ZFPM2: variants seen among roughly 807,000 people sequenced by gnomAD.
ZFPM2 encodes zinc finger protein ZFPM2.
In ZFPM2, 20 loss-of-function variants were observed where a neutral mutation model predicts 98.6. The ratio of observed to expected loss-of-function variants is 0.20; its 90% CI spans 0.14 to 0.29. The LOEUF is 0.29. Ranked by LOEUF, ZFPM2 falls within the 10% of genes least tolerant of loss-of-function variation. ZFPM2 has a pLI of 1.00. For missense variants in ZFPM2, 1,310 were observed against 1,388.6 expected, an observed-to-expected ratio of 0.94 and a Z score of 0.90; for synonymous variants, 518 against 502.7, an observed-to-expected ratio of 1.03 and a Z score of -0.41.
intron 5 of ZFPM2, among the ~76,000 whole-genome samples, chr8:105,768,067 A>T (rs1384183591): frequency 1.3e-5 from 2 of 151,086 alleles, no homozygotes; most frequent in Non-Finnish European, 3.0e-5. Context: ...TACCTTAATG[A>T]GGGAACAAAC....
intron 4 of ZFPM2, among the ~76,000 whole-genome samples, chr8:105,568,449 A>C (rs1485730199): frequency 6.6e-6 from 1 of 152,088 alleles, no homozygotes; most frequent in Non-Finnish European, 1.5e-5. Context: ...ACACAGTTAC[A>C]CATACCCATA....
chr8:105,366,331 C>G (rs997242216), intron 1 of ZFPM2, among the ~76,000 whole-genome samples: 6 of 152,002 alleles, frequency 3.9e-5, no homozygotes, highest in African/African-American at 1.4e-4. Flanking sequence ...GTAAAGATTG[C>G]TTGATATAGA....
intron 1 of ZFPM2, among the ~76,000 whole-genome samples, chr8:105,385,631 G>A (rs553968888): frequency 1.3e-5 from 2 of 152,260 alleles, no homozygotes; most frequent in East Asian, 3.9e-4. Flanking sequence ...AGAAAGGCAG[G>A]TTGTAAATAC....
intron 5 of ZFPM2, among the ~76,000 whole-genome samples, chr8:105,769,440 C>T (rs1812933747): frequency 6.6e-6 from 1 of 152,048 alleles, no homozygotes; most frequent in Non-Finnish European, 1.5e-5. Flanking sequence ...TTCAAAGATT[C>T]TGATAAATGT....
At chr8:105,660,584 T>G (rs762895617) in intron 5 of ZFPM2, among the ~76,000 whole-genome samples, 4 of 152,226 alleles carry the variant, frequency 2.6e-5, no homozygotes, top group Non-Finnish European at 5.9e-5. Context: ...TGTATAAATG[T>G]GCGTATATGA....
At chr8:105,731,476 T>C (rs1811936528) in intron 5 of ZFPM2, among the ~76,000 whole-genome samples, 1 of 151,676 alleles carries the variant, frequency 6.6e-6, no homozygotes. Context: ...ATGAACAGTC[T>C]CTGGATTGTG....
intron 1 of ZFPM2, among the ~76,000 whole-genome samples, chr8:105,341,488 A>T (rs545969718): frequency 3.9e-4 from 60 of 152,010 alleles, no homozygotes; most frequent in African/African-American, 1.3e-3. Flanking sequence ...TAACAATGCA[A>T]TATATATTAT....
At chr8:105,327,742 C>A (rs1241786728) in intron 1 of ZFPM2, among the ~76,000 whole-genome samples, 1 of 151,690 alleles carries the variant, frequency 6.6e-6, no homozygotes, top group East Asian at 1.9e-4. Flanking sequence ...ATTAAAAGAT[C>A]TGATTATTTA....
At chr8:105,741,499 A>G (rs370284799) in intron 5 of ZFPM2, among the ~76,000 whole-genome samples, 2 of 152,202 alleles carry the variant, frequency 1.3e-5, no homozygotes, top group East Asian at 1.9e-4. Flanking sequence ...AAAGAGGTAG[A>G]GCATCTAACA....
Position 105,802,611 on chromosome 8 carries a change from G to A in ZFPM2, c.2529G>A (p.Thr843=), listed in dbSNP as rs778700353. 7 of 1,610,474 alleles carry A rather than the reference G, an allele frequency of 4.3e-6. No homozygotes were observed. In the South Asian group the frequency reaches 6.6e-5, roughly 15 times the overall value. The change falls in exon 8 of 8, where the codon ACG becomes ACA. Residue 843 remains threonine (T), a synonymous_variant. Coordinates refer to ENST00000407775, the MANE Select transcript of ZFPM2 (RefSeq NM_012082.4). ...SKKCLSQSER[T]TTSPKRLLDY... ...AGTGTTTATCTCAGTCTGAGCGGAC[G>A]ACCACGTCTCCCAAAAGGCTGCTGG...
intron 5 of ZFPM2, among the ~76,000 whole-genome samples, chr8:105,701,218 C>A (rs1355960235): frequency 6.6e-6 from 1 of 152,106 alleles, no homozygotes; most frequent in African/African-American, 2.4e-5. Context: ...CAAGCAAAAC[C>A]TATATTCTGT....
chr8:105,517,785 T>G (rs1813968333), intron 3 of ZFPM2, among the ~76,000 whole-genome samples: 1 of 148,954 alleles, frequency 6.7e-6, no homozygotes, highest in Non-Finnish European at 1.5e-5. Flanking sequence ...TCTCAGCTAC[T>G]TAGGAGGCTG....
chr8:105,588,998 G>A (rs370748969), intron 4 of ZFPM2, among the ~76,000 whole-genome samples: 1 of 152,120 alleles, frequency 6.6e-6, no homozygotes, highest in Admixed American at 6.5e-5. Flanking sequence ...CCTTAATCCC[G>A]TTATGTTTTA....
intron 5 of ZFPM2, among the ~76,000 whole-genome samples, chr8:105,690,601 C>T (rs144318279): frequency 0.018 from 2,785 of 152,202 alleles, 41 homozygotes; most frequent in South Asian, 0.056. Context: ...TCAGGTACAA[C>T]GAAATGAGAC....
intron 3 of ZFPM2, among the ~76,000 whole-genome samples, chr8:105,490,885 A>C (rs1813343410): frequency 1.3e-5 from 2 of 152,194 alleles, no homozygotes; most frequent in African/African-American, 4.8e-5. Flanking sequence ...TAACTAATGA[A>C]AAATAAGGCT....
At chr8:105,385,762 T>A (rs577184764) in intron 1 of ZFPM2, among the ~76,000 whole-genome samples, 1 of 152,330 alleles carries the variant, frequency 6.6e-6, no homozygotes, top group East Asian at 1.9e-4. Context: ...GCACATTTTA[T>A]CCATAGAGGA....
intron 2 of ZFPM2, among the ~76,000 whole-genome samples, chr8:105,424,402 A>G (rs1045005457): frequency 1.3e-5 from 2 of 152,078 alleles, no homozygotes; most frequent in Admixed American, 1.3e-4. Context: ...TGCCCTAGAG[A>G]AATGAACTAA....
At chr8:105,743,312 C>T (rs1812264794) in intron 5 of ZFPM2, among the ~76,000 whole-genome samples, 2 of 151,928 alleles carry the variant, frequency 1.3e-5, no homozygotes, top group Non-Finnish European at 2.9e-5. Context: ...TCAGTCAGAC[C>T]TGTATGAGGA....
intron 5 of ZFPM2, among the ~76,000 whole-genome samples, chr8:105,748,764 T>C (rs1351077011): frequency 2.6e-5 from 4 of 152,100 alleles, no homozygotes; most frequent in African/African-American, 4.8e-5. Context: ...CTGCATTTGT[T>C]GTCATGTGAT....
Sources: allele counts gnomAD v4.1 joint callset (sites outside exome capture counted in the v4.1 genomes callset), GRCh38; gene constraint gnomAD v4.1.1; transcripts MANE v1.5; gene names NCBI Gene and HGNC (gene_info 2026-07-23, HGNC 2026-07-21).